The following RNF217 variants were observed in gnomAD, a reference collection of about 807,000 sequenced individuals.
RNF217 encodes E3 ubiquitin-protein ligase RNF217.
In RNF217, 31 loss-of-function variants were observed where a neutral mutation model predicts 57.8. That is an observed-to-expected ratio of 0.54 (90% CI 0.40 to 0.72). The LOEUF (loss-of-function observed/expected upper bound fraction) is 0.72, where lower values mean the gene tolerates loss of function less well. RNF217 is among the 30% of genes least tolerant of loss of function. The pLI, the probability that RNF217 is intolerant of heterozygous loss-of-function variation, is 0.00. For synonymous variants in RNF217, 313 were observed against 294.0 expected (o/e 1.06, Z -0.66); for missense variants, 696 against 708.3 (o/e 0.98, Z 0.20).
intron 2 of RNF217, among the ~76,000 whole-genome samples, chr6:125,046,066 C>T (rs1787086881): frequency 6.6e-6 from 1 of 152,034 alleles, no homozygotes; most frequent in Non-Finnish European, 1.5e-5. Context: ...GGGTTAGGCT[C>T]TAGGATGTCA....
intron 2 of RNF217, among the ~76,000 whole-genome samples, chr6:125,046,142 G>A (rs1194383027): frequency 2.0e-5 from 3 of 152,104 alleles, no homozygotes; most frequent in African/African-American, 7.2e-5. Context: ...TTCAGAGCAA[G>A]GGATGAGTAA....
intron 1 of RNF217, among the ~76,000 whole-genome samples, chr6:125,006,898 G>A (rs7761123): frequency 0.079 from 11,975 of 152,290 alleles, 1,631 homozygotes; most frequent in African/African-American, 0.27. Context: ...GCAATGAGCC[G>A]AGATCGCGCC....
In RNF217 at chr6:125,087,576, T is replaced by A. The variant is rs767524093; in HGVS notation, c.*4639T>A. On this transcript the variant is annotated 3_prime_UTR_variant, in exon 6 of 6. Transcript: ENST00000521654. ...TTTCAATGGAGACAGTATACAAAGT[T>A]AAAGCAACTGATACATATATTTCAG... is the stretch of plus-strand genomic sequence containing the variant. The A allele has an allele frequency of 6.6e-6, 1 of 152,276 alleles. No individual in the cohort carries two copies. The highest frequency in any genetic ancestry group is 2.4e-5 in the African/African-American group (1 of 41,570). The allele number at this position is 152,276 out of a possible 1,614,324, so 9.4% of individuals were successfully genotyped here. A position where few individuals can be genotyped will look rare whatever the true frequency, so the allele number is the denominator to read the frequency against.
Position 125,068,636 on chromosome 6 carries a change from G to A in RNF217, c.1282-8021G>A, listed in dbSNP as rs561032590. On this transcript the variant is annotated intron_variant, in intron 3 of 5. Transcript: ENST00000521654. ...TGGCATAGCTTATGCATATATATTT[G>A]TTTATACAGTTGGTTAATGTCTGTA... Among the ~76,000 whole-genome samples, 15 of 152,194 alleles carry A rather than the reference G, an allele frequency of 9.9e-5. No individual in the cohort carries two copies. In the East Asian group the frequency reaches 2.5e-3, roughly 25 times the overall value.
chr6:125,071,002 T>A (rs1412340065), intron 3 of RNF217, among the ~76,000 whole-genome samples: 1 of 152,210 alleles, frequency 6.6e-6, no homozygotes, highest in Non-Finnish European at 1.5e-5. Flanking sequence ...GCAGTTCATT[T>A]ACTGTTATTC....
At position 124,984,094 on chromosome 6, in the gene RNF217, G is replaced by T. The variant is rs867702140; in HGVS notation, c.882+20668G>T. On this transcript the variant is annotated intron_variant, in intron 1 of 5. Coordinates refer to ENST00000521654, the MANE Select transcript of RNF217 (RefSeq NM_001286398.3). Reference sequence around the variant, plus strand: ...ATACCATTCACCTTTGGTGTTACATGAATTTTAGGGAGAAGCAAACATTCA... The same window carrying T: ...ATACCATTCACCTTTGGTGTTACATTAATTTTAGGGAGAAGCAAACATTCA... Among the ~76,000 whole-genome samples the T allele has an allele frequency of 3.3e-5, 5 of 152,272 alleles. No individual in the cohort carries two copies. The South Asian group carries it at 6.2e-4, about 19-fold the overall frequency.
intron 1 of RNF217, among the ~76,000 whole-genome samples, chr6:125,022,663 A>G (rs575402431): frequency 7.2e-5 from 11 of 152,308 alleles, no homozygotes; most frequent in African/African-American, 2.4e-4. Flanking sequence ...ATCAAGGCCA[A>G]TTTGGCTGTC....
At position 125,085,611 on chromosome 6, in the gene RNF217, G is replaced by T. The variant is rs1049561670; in HGVS notation, c.*2674G>T. Reference sequence around the variant, plus strand: ...TAAAATAAATATCTTTCTATCCAAGGCTTGTCATTTTATATGCTTTTATTG... The same window carrying T: ...TAAAATAAATATCTTTCTATCCAAGTCTTGTCATTTTATATGCTTTTATTG... On this transcript the variant is annotated 3_prime_UTR_variant, in exon 6 of 6. Coordinates refer to ENST00000521654, the MANE Select transcript of RNF217 (RefSeq NM_001286398.3). 2 of 151,654 alleles carry T rather than the reference G, an allele frequency of 1.3e-5. No homozygotes were observed. Among genetic ancestry groups the T allele is most frequent in the African/African-American group, 4.8e-5 (2 of 41,342 alleles). The allele number at this position is 151,654 out of a possible 1,614,324, so 9.4% of individuals were successfully genotyped here.
rs375734619 is a variant in RNF217, at chr6:125,074,990, G to A, written c.1282-1667G>A. Among the ~76,000 whole-genome samples the A allele has an allele frequency of 2.0e-5, 3 of 152,106 alleles. No individual in the cohort carries two copies. The East Asian group carries it at 5.8e-4, about 29-fold the overall frequency. On this transcript the variant is annotated intron_variant, in intron 3 of 5. Transcript: ENST00000521654. ...GGAGCATTTTCAATAAAATTTCTAA[G>A]CAAAGAACTCACATGTGAATGAATA...
chr6:124,990,572 C>T (rs1408089489), intron 1 of RNF217, among the ~76,000 whole-genome samples: 1 of 152,180 alleles, frequency 6.6e-6, no homozygotes, highest in Admixed American at 6.5e-5. Context: ...TAAACTCTGA[C>T]TCTTCTTTCT....
At position 124,981,536 on chromosome 6, in the gene RNF217, G is replaced by A. The variant is rs142955650; in HGVS notation, c.882+18110G>A. Among the ~76,000 whole-genome samples, 59 of 152,276 alleles carry A rather than the reference G, an allele frequency of 3.9e-4. No individual in the cohort carries two copies. In the East Asian group the frequency reaches 9.5e-3, roughly 24 times the overall value. The stretch of plus-strand genomic sequence containing the variant: ...TTACATTCTTTTGAGTCCTTGATCA[G>A]CCATTCACTGAATATACAATTTAGT... On this transcript the variant is annotated intron_variant, in intron 1 of 5. Coordinates refer to ENST00000521654, the MANE Select transcript of RNF217 (RefSeq NM_001286398.3).
At chr6:124,981,155 TAAA>T (rs1004955021) in intron 1 of RNF217, among the ~76,000 whole-genome samples, 4 of 152,202 alleles carry the variant, frequency 2.6e-5, no homozygotes, top group African/African-American at 9.6e-5. Flanking sequence ...AAAAAATTGA[TAAA>T]AATTAAAGTA....
intron 1 of RNF217, among the ~76,000 whole-genome samples, chr6:125,005,884 T>G (rs926937872): frequency 6.6e-6 from 1 of 152,226 alleles, no homozygotes. Context: ...TCAGGCTTGA[T>G]TTATGTCACA....
rs747545777 is a variant in RNF217, at chr6:125,086,758, A to T, written c.*3821A>T. On this transcript the variant is annotated 3_prime_UTR_variant, in exon 6 of 6. Coordinates refer to ENST00000521654, the MANE Select transcript of RNF217 (RefSeq NM_001286398.3). ...GTAGAACAGACAAGAAAACAAAGAT[A>T]ATTAAACACAAGTCAGGTTACAACA... is the stretch of plus-strand genomic sequence containing the variant. The T allele has an allele frequency of 1.3e-5, 2 of 152,074 alleles. No individual in the cohort carries two copies. Among genetic ancestry groups the T allele is most frequent in the Non-Finnish European group, 2.9e-5 (2 of 67,982 alleles). 9.4% of individuals were successfully genotyped at this position (152,074 alleles called of 1,614,324 possible). A position where few individuals can be genotyped will look rare whatever the true frequency, so the allele number is the denominator to read the frequency against.
intron 1 of RNF217, among the ~76,000 whole-genome samples, chr6:125,022,583 C>A (rs1380144933): frequency 6.6e-6 from 1 of 152,134 alleles, no homozygotes; most frequent in Non-Finnish European, 1.5e-5. Flanking sequence ...GGAGGCTGGG[C>A]TTCTGGCCTA....
chr6:125,024,871 G>A (rs1786010860), intron 1 of RNF217, among the ~76,000 whole-genome samples: 1 of 152,124 alleles, frequency 6.6e-6, no homozygotes, highest in Non-Finnish European at 1.5e-5. Context: ...TAGAGATCTG[G>A]ACTGGTGTTT....
At chr6:125,023,258 G>A (rs1785919125) in intron 1 of RNF217, among the ~76,000 whole-genome samples, 1 of 152,142 alleles carries the variant, frequency 6.6e-6, no homozygotes, top group African/African-American at 2.4e-5. Context: ...AGCATGCGGA[G>A]GAGCCCAGAG....
chr6:124,983,148 G>T lies in RNF217; in HGVS notation c.882+19722G>T, dbSNP rs151011168. Among the ~76,000 whole-genome samples the T allele has an allele frequency of 1.5e-3, 227 of 152,236 alleles. 2 individuals are homozygous for T. The highest frequency in any genetic ancestry group is 5.0e-3 in the African/African-American group (208 of 41,526). On this transcript the variant is annotated intron_variant, in intron 1 of 5. Coordinates refer to ENST00000521654, the MANE Select transcript of RNF217 (RefSeq NM_001286398.3). Reference sequence around the variant, plus strand: ...TTTATTTATTTATTGTCTTCAGAAGGGTCATAAATGCTCAGAAATTTTATG... The same window carrying T: ...TTTATTTATTTATTGTCTTCAGAAGTGTCATAAATGCTCAGAAATTTTATG...
intron 2 of RNF217, among the ~76,000 whole-genome samples, chr6:125,052,090 T>C (rs920351093): frequency 6.6e-6 from 1 of 151,994 alleles, no homozygotes; most frequent in Non-Finnish European, 1.5e-5. Flanking sequence ...ACAACCCCCA[T>C]TCTCAAGTTC....
Sources: allele counts gnomAD v4.1 joint callset (sites outside exome capture counted in the v4.1 genomes callset), GRCh38; gene constraint gnomAD v4.1.1; transcripts MANE v1.5; gene names NCBI Gene and HGNC (gene_info 2026-07-23, HGNC 2026-07-21).